The following MACROD2 variants were observed in gnomAD, a reference collection of about 807,000 sequenced individuals.
MACROD2 encodes the protein ADP-ribose glycohydrolase MACROD2.
Under a neutral mutation model 70.4 loss-of-function variants are expected in MACROD2, and 36 were observed. That is an observed-to-expected ratio of 0.51 (90% CI 0.39 to 0.68). The LOEUF (loss-of-function observed/expected upper bound fraction) is 0.68. MACROD2 is among the 30% of genes least tolerant of loss of function. The pLI is 0.00. For missense variants in MACROD2, 496 were observed against 538.4 expected (o/e 0.92, Z 0.78); for synonymous variants, 172 against 178.8 (o/e 0.96, Z 0.30).
At chr20:15,739,688 A>G (rs763602204) in intron 8 of MACROD2, among the ~76,000 whole-genome samples, 12 of 152,148 alleles carry the variant, frequency 7.9e-5, no homozygotes, top group South Asian at 2.1e-4. Flanking sequence ...GTTTGTATAG[A>G]CTCCTTTATG....
chr20:14,782,776 C>T (rs532878478), intron 5 of MACROD2, among the ~76,000 whole-genome samples: 1 of 152,232 alleles, frequency 6.6e-6, no homozygotes, highest in African/African-American at 2.4e-5. Flanking sequence ...CAAGATCACT[C>T]CCTAATAAAT....
At chr20:15,760,589 C>A (rs2051421944) in intron 8 of MACROD2, among the ~76,000 whole-genome samples, 1 of 152,152 alleles carries the variant, frequency 6.6e-6, no homozygotes, top group South Asian at 2.1e-4. Context: ...ATAGGTCATG[C>A]ATCTCTGGGG....
rs1398892241 is a variant in MACROD2 at position 15,595,838 on chromosome 20, A to G, written c.645+95991A>G. Among the ~76,000 whole-genome samples the G allele has an allele frequency of 2.0e-5, 3 of 152,048 alleles. No homozygotes were observed. In the Admixed American group the frequency reaches 2.0e-4, roughly 10 times the overall value. ...TGTAACTTGGCACACTAATAGAGGC[A>G]GTGGTTGTAAGTCACTCAGAATGAA... On this transcript the variant is annotated intron_variant, in intron 8 of 17. Transcript: ENST00000684519.
At chr20:14,244,981 T>A (rs1188832997) in intron 3 of MACROD2, among the ~76,000 whole-genome samples, 1 of 152,174 alleles carries the variant, frequency 6.6e-6, no homozygotes, top group African/African-American at 2.4e-5. Flanking sequence ...ATAGAGAAAT[T>A]TAAGCTTCAT....
chr20:15,522,477 G>A (rs530750412), intron 8 of MACROD2, among the ~76,000 whole-genome samples: 1 of 152,292 alleles, frequency 6.6e-6, no homozygotes, highest in South Asian at 2.1e-4. Flanking sequence ...CATTTGCAAA[G>A]ATACATGTGT....
At chr20:14,428,287 G>A (rs1373853555) in intron 3 of MACROD2, among the ~76,000 whole-genome samples, 1 of 152,040 alleles carries the variant, frequency 6.6e-6, no homozygotes, top group Non-Finnish European at 1.5e-5. Context: ...AAATATGACA[G>A]TAGTGCTATT....
chr20:14,401,523 T>C lies in MACROD2; in HGVS notation c.272-91956T>C, dbSNP rs183683717. Reference sequence around the variant, plus strand: ...TTGTATTTTTTTCCATTAATCCAAATATGAATCTAAATAAGTCACACTTAT... The same window carrying C: ...TTGTATTTTTTTCCATTAATCCAAACATGAATCTAAATAAGTCACACTTAT... On this transcript the variant is annotated intron_variant, in intron 3 of 17. Transcript: ENST00000684519. Among the ~76,000 whole-genome samples, 4 of 152,318 alleles carry C rather than the reference T, an allele frequency of 2.6e-5. No individual in the cohort carries two copies. In the East Asian group the frequency reaches 5.8e-4, roughly 22 times the overall value.
chr20:15,693,079 A>G (rs1185254651), intron 8 of MACROD2, among the ~76,000 whole-genome samples: 2 of 152,136 alleles, frequency 1.3e-5, no homozygotes, highest in Non-Finnish European at 2.9e-5. Flanking sequence ...CCTTCCAATC[A>G]TGCTTCCTGT....
At chr20:15,134,003 G>T (rs1169649776) in intron 5 of MACROD2, among the ~76,000 whole-genome samples, 2 of 148,640 alleles carry the variant, frequency 1.3e-5, no homozygotes, top group African/African-American at 4.9e-5. Flanking sequence ...TGCCTCCCGG[G>T]TCACGCCATT....
At chr20:15,768,952 T>TCAGG (rs2051574897) in intron 8 of MACROD2, among the ~76,000 whole-genome samples, 1 of 152,168 alleles carries the variant, frequency 6.6e-6, no homozygotes, top group Non-Finnish European at 1.5e-5. Context: ...TGGAAGGTCT[T>TCAGG]CAGGGGTGAT....
rs532498212 is a variant in MACROD2 at position 15,691,929 on chromosome 20, C to A, written c.646-170816C>A. 7.9e-5 allele frequency among the ~76,000 whole-genome samples: 12 copies of A among 152,298 alleles called. No individual in the cohort carries two copies. The South Asian group carries it at 2.5e-3, about 32-fold the overall frequency. ...TTTCTCATGTCAACCTGCTCACCTG[C>A]AGAGAATATTCTGATCATATAGTTT... On this transcript the variant is annotated intron_variant, in intron 8 of 17. Transcript: ENST00000684519.
chr20:14,864,385 G>A (rs886405466), intron 5 of MACROD2, among the ~76,000 whole-genome samples: 7 of 152,018 alleles, frequency 4.6e-5, no homozygotes, highest in Admixed American at 4.6e-4. Flanking sequence ...GCAGTTACAA[G>A]TCCTATGATA....
chr20:15,933,266 T>C lies in MACROD2; in HGVS notation c.776-10T>C. 6.2e-7 allele frequency: 1 copy of C among 1,612,844 alleles called. No homozygotes were observed. Among genetic ancestry groups the C allele is most frequent in the Non-Finnish European group, 8.5e-7 (1 of 1,179,298 alleles). On this transcript the variant is annotated splice_polypyrimidine_tract_variant and intron_variant, in intron 10 of 17. Transcript: ENST00000684519. Reference sequence around the variant, plus strand: ...GATGCATTTTTTTTCCTCTGTGGTTTTCTTGAAAGATGAGAACGGTCCAGA... The same window carrying C: ...GATGCATTTTTTTTCCTCTGTGGTTCTCTTGAAAGATGAGAACGGTCCAGA...
chr20:14,230,004 G>A (rs947363365), intron 3 of MACROD2, among the ~76,000 whole-genome samples: 2 of 152,074 alleles, frequency 1.3e-5, no homozygotes, highest in Non-Finnish European at 2.9e-5. Flanking sequence ...TTATTTGATA[G>A]CATTATATCT....
At chr20:15,416,275 T>C (rs962297320) in intron 6 of MACROD2, among the ~76,000 whole-genome samples, 15 of 152,346 alleles carry the variant, frequency 9.8e-5, no homozygotes, top group African/African-American at 3.4e-4. Flanking sequence ...AATTTCTTTC[T>C]CCTTTTCTTT....
intron 5 of MACROD2, among the ~76,000 whole-genome samples, chr20:14,899,807 CAAT>C (rs1820895682): frequency 1.3e-5 from 2 of 152,078 alleles, no homozygotes; most frequent in Non-Finnish European, 2.9e-5. Flanking sequence ...GAAACAAAAA[CAAT>C]AACAACAACA....
chr20:14,028,871 T>C (rs1424316485), intron 2 of MACROD2, among the ~76,000 whole-genome samples: 1 of 152,166 alleles, frequency 6.6e-6, no homozygotes, highest in East Asian at 1.9e-4. Flanking sequence ...CAGAGCCCAA[T>C]TCTTCTCAAT....
intron 8 of MACROD2, among the ~76,000 whole-genome samples, chr20:15,510,478 T>C (rs901560093): frequency 6.6e-6 from 1 of 152,186 alleles, no homozygotes; most frequent in African/African-American, 2.4e-5. Flanking sequence ...AAAAAAGGCA[T>C]TTCCCCTTTC....
intron 5 of MACROD2, among the ~76,000 whole-genome samples, chr20:14,955,151 A>AAGTTATTTTAAT (rs2074522199): frequency 9.7e-6 from 1 of 103,204 alleles, no homozygotes. Flanking sequence ...ATTATATTAT[A>AAGTTATTTTAAT]TGTACTTTAT....
Sources: gnomAD v4.1 joint callset for allele counts (sites outside exome capture counted in the v4.1 genomes callset) on GRCh38, gnomAD v4.1.1 for gene constraint, MANE v1.5 for transcripts, NCBI Gene and HGNC (gene_info 2026-07-23, HGNC 2026-07-21) for gene names.